Variants in MAGI2 observed in about 807,000 individuals in gnomAD.
The protein encoded by MAGI2 is membrane associated guanylate kinase, WW and PDZ domain containing 2.
In MAGI2, 35 loss-of-function variants were observed where a neutral mutation model predicts 133.3. That is an observed-to-expected ratio of 0.26 (90% CI 0.20 to 0.35). The LOEUF (loss-of-function observed/expected upper bound fraction) is 0.35, where lower values mean the gene tolerates loss of function less well. Ranked by LOEUF, MAGI2 falls within the 10% of genes least tolerant of loss-of-function variation. The pLI is 1.00. For synonymous variants in MAGI2, 729 were observed against 710.6 expected (o/e 1.03, Z -0.41); for missense variants, 1,636 against 1,863.4 (o/e 0.88, Z 2.25).
intron 1 of MAGI2, among the ~76,000 whole-genome samples, chr7:79,171,745 T>C (rs868860580): frequency 8.1e-5 from 2 of 24,772 alleles, no homozygotes; most frequent in East Asian, 1.7e-3. Flanking sequence ...TAGCCAAAAA[T>C]ATATATATAT....
intron 21 of MAGI2, among the ~76,000 whole-genome samples, chr7:78,032,079 C>T (rs1054389123): frequency 6.6e-6 from 1 of 150,782 alleles, no homozygotes; most frequent in Non-Finnish European, 1.5e-5. Context: ...AAATAGAGCC[C>T]CTGTGCCTGG....
intron 20 of MAGI2, among the ~76,000 whole-genome samples, chr7:78,098,731 G>A (rs1817938680): frequency 6.6e-6 from 1 of 152,162 alleles, no homozygotes; most frequent in Non-Finnish European, 1.5e-5. Context: ...AGTGACCGTA[G>A]TAAGCTCCCA....
At chr7:78,852,961 T>C (rs1007911171) in intron 2 of MAGI2, among the ~76,000 whole-genome samples, 10 of 152,194 alleles carry the variant, frequency 6.6e-5, no homozygotes, top group Non-Finnish European at 8.8e-5. Context: ...CAATACAAAG[T>C]TGCTGTTTGA....
chr7:78,605,207 G>T (rs891586470), intron 3 of MAGI2, among the ~76,000 whole-genome samples: 1 of 152,198 alleles, frequency 6.6e-6, no homozygotes, highest in Non-Finnish European at 1.5e-5. Flanking sequence ...CTAGGTTGAT[G>T]GCAATGGTAG....
chr7:78,290,003 G>GC lies in MAGI2; in HGVS notation c.1409-33423_1409-33422insG, dbSNP rs537658540. Among the ~76,000 whole-genome samples the GC allele has an allele frequency of 1.7e-3, 258 of 152,154 alleles. 2 individuals carry two copies. The highest frequency in any genetic ancestry group is 5.8e-3 in the African/African-American group (241 of 41,512). On this transcript the variant is annotated intron_variant, in intron 9 of 21. Transcript: ENST00000354212. ...CCGGTACCAGCCACTGCAAAAAGAT[G>GC]GAAATTGTAAAGACCATTGACACTA...
At chr7:78,363,121 A>G (rs1293230423) in intron 7 of MAGI2, among the ~76,000 whole-genome samples, 1 of 152,240 alleles carries the variant, frequency 6.6e-6, no homozygotes, top group East Asian at 1.9e-4. Flanking sequence ...CTAGATAATT[A>G]TGACAATATA....
chr7:78,193,948 A>G (rs1828476574), intron 12 of MAGI2, among the ~76,000 whole-genome samples: 1 of 152,210 alleles, frequency 6.6e-6, no homozygotes, highest in Admixed American at 6.5e-5. Flanking sequence ...GAGCTCATCA[A>G]AAGAGTAAGC....
chr7:79,288,149 G>C (rs1233241229), intron 1 of MAGI2, among the ~76,000 whole-genome samples: 1 of 152,112 alleles, frequency 6.6e-6, no homozygotes, highest in Non-Finnish European at 1.5e-5. Flanking sequence ...ACAGACATTA[G>C]AGCCAGACTG....
intron 2 of MAGI2, among the ~76,000 whole-genome samples, chr7:78,718,147 T>C (rs1819899180): frequency 6.6e-6 from 1 of 152,232 alleles, no homozygotes; most frequent in Non-Finnish European, 1.5e-5. Flanking sequence ...GCTTGATGCC[T>C]AAGTAGGATT....
chr7:79,430,704 C>A (rs187185436), intron 1 of MAGI2, among the ~76,000 whole-genome samples: 53 of 152,210 alleles, frequency 3.5e-4, no homozygotes, highest in South Asian at 1.7e-3. Flanking sequence ...GTGCTTATAA[C>A]CTCTACTTTT....
intron 1 of MAGI2, among the ~76,000 whole-genome samples, chr7:79,136,076 A>AGAAG (rs1434361621): frequency 1.6e-3 from 143 of 90,800 alleles, no homozygotes; most frequent in African/African-American, 6.0e-3. Flanking sequence ...AAGGAAAGAA[A>AGAAG]GAAAGAAAGA....
rs80348377 is a variant in MAGI2 at position 78,491,518 on chromosome 7, G to T, written c.966-1678C>A. 2.4e-3 allele frequency among the ~76,000 whole-genome samples: 370 copies of T among 152,028 alleles called. 5 individuals are homozygous for T. The highest frequency in any genetic ancestry group is 8.4e-3 in the African/African-American group (349 of 41,490). On this transcript the variant is annotated intron_variant, in intron 5 of 21. Coordinates refer to ENST00000354212, the MANE Select transcript of MAGI2 (RefSeq NM_012301.4). ...TTCGATGATAAATGCCTCTCAACAG[G>T]GCTCTAATAAATTGATCGGATAAAG...
intron 2 of MAGI2, among the ~76,000 whole-genome samples, chr7:78,907,904 G>A (rs1798101515): frequency 6.6e-6 from 1 of 152,116 alleles, no homozygotes; most frequent in South Asian, 2.1e-4. Flanking sequence ...ACTATTTAAA[G>A]CACTGAATAA....
intron 2 of MAGI2, among the ~76,000 whole-genome samples, chr7:78,992,067 C>T (rs1437457852): frequency 2.0e-5 from 3 of 151,984 alleles, no homozygotes; most frequent in African/African-American, 7.2e-5. Flanking sequence ...TCTATGTCTT[C>T]ATCAAAGCAA....
chr7:78,848,263 T>C (rs965804310), intron 2 of MAGI2, among the ~76,000 whole-genome samples: 5 of 151,854 alleles, frequency 3.3e-5, no homozygotes, highest in Non-Finnish European at 7.4e-5. Flanking sequence ...GCCGTCCACC[T>C]AGTTGCTCAA....
chr7:79,427,799 G>C (rs1847497554), intron 1 of MAGI2, among the ~76,000 whole-genome samples: 1 of 152,156 alleles, frequency 6.6e-6, no homozygotes, highest in Non-Finnish European at 1.5e-5. Flanking sequence ...TTTTAGGCAG[G>C]TGAATTTGGT....
chr7:79,011,913 C>CT (rs1422279690), intron 1 of MAGI2, among the ~76,000 whole-genome samples: 6 of 139,378 alleles, frequency 4.3e-5, no homozygotes, highest in African/African-American at 1.6e-4. Context: ...TCCTTCCTTC[C>CT]TTCCTTCCTT....
rs1219046643 is a variant in MAGI2 at position 78,022,635 on chromosome 7, T to C, written c.3707-2659A>G. Among the ~76,000 whole-genome samples the C allele has an allele frequency of 3.9e-5, 6 of 152,208 alleles. No individual in the cohort carries two copies. In the East Asian group the frequency reaches 1.2e-3, roughly 29 times the overall value. The stretch of plus-strand genomic sequence containing the variant: ...ACTGCCAACCAACAGGAACCAGATC[T>C]TATCCTTAAGCAGAAGACTTAGCAT... On this transcript the variant is annotated intron_variant, in intron 21 of 21. Transcript: ENST00000354212.
chr7:79,215,985 G>A (rs370395184), intron 1 of MAGI2, among the ~76,000 whole-genome samples: 2 of 151,818 alleles, frequency 1.3e-5, no homozygotes, highest in Non-Finnish European at 2.9e-5. Context: ...AGCTCCCCAG[G>A]AACCCCAAGC....
Sources: allele counts gnomAD v4.1 joint callset (sites outside exome capture counted in the v4.1 genomes callset), GRCh38; gene constraint gnomAD v4.1.1; transcripts MANE v1.5; gene names NCBI Gene and HGNC (gene_info 2026-07-23, HGNC 2026-07-21).